OPCML: variants seen among roughly 807,000 people sequenced by gnomAD.
The protein encoded by OPCML is opioid-binding protein/cell adhesion molecule.
A neutral mutation model predicts 37.8 loss-of-function variants in OPCML; 13 were observed. The observed-to-expected ratio is 0.34, with a 90% CI of 0.22 to 0.55. OPCML has a LOEUF of 0.55. OPCML is among the 20% of genes least tolerant of loss of function. The probability of loss-of-function intolerance (pLI) is 0.91; values close to 1 mark genes in which losing one functional copy is unlikely to be tolerated. For missense variants in OPCML, 341 were observed against 435.6 expected, an observed-to-expected ratio of 0.78 and a Z score of 1.93; for synonymous variants, 176 against 168.8, an observed-to-expected ratio of 1.04 and a Z score of -0.33.
chr11:133,229,442 A>G (rs1940180881), intron 1 of OPCML, among the ~76,000 whole-genome samples: 3 of 152,172 alleles, frequency 2.0e-5, no homozygotes, highest in African/African-American at 7.2e-5. Context: ...AGAAGCTGTA[A>G]AGTACTTCCT....
At chr11:133,002,192 C>T (rs1323229982) in intron 1 of OPCML, among the ~76,000 whole-genome samples, 1 of 152,206 alleles carries the variant, frequency 6.6e-6, no homozygotes, top group Non-Finnish European at 1.5e-5. Flanking sequence ...TTTCCCTTAA[C>T]TTATTCCACT....
intron 2 of OPCML, among the ~76,000 whole-genome samples, chr11:132,776,340 T>C (rs1946808350): frequency 3.9e-5 from 6 of 152,210 alleles, no homozygotes; most frequent in Admixed American, 3.9e-4. Flanking sequence ...GGTGGTGTTA[T>C]CTTTTCATTT....
At chr11:132,705,447 G>T (rs1394337791) in intron 2 of OPCML, among the ~76,000 whole-genome samples, 1 of 151,876 alleles carries the variant, frequency 6.6e-6, no homozygotes, top group Non-Finnish European at 1.5e-5. Flanking sequence ...AACAAATTCA[G>T]CTGGGTGTGG....
intron 1 of OPCML, among the ~76,000 whole-genome samples, chr11:133,083,093 C>A (rs186030132): frequency 1.3e-5 from 2 of 152,048 alleles, no homozygotes; most frequent in African/African-American, 4.8e-5. Flanking sequence ...TGCGCCCCGA[C>A]GGCACCCGTG....
chr11:133,121,174 C>T (rs184254901), intron 1 of OPCML, among the ~76,000 whole-genome samples: 152 of 152,242 alleles, frequency 1.0e-3, no homozygotes, highest in African/African-American at 3.2e-3. Flanking sequence ...CCACCTTGGG[C>T]GCCCAAAGTG....
At chr11:132,621,990 C>A (rs1330697353) in intron 3 of OPCML, among the ~76,000 whole-genome samples, 1 of 152,126 alleles carries the variant, frequency 6.6e-6, no homozygotes, top group Non-Finnish European at 1.5e-5. Flanking sequence ...GATTAGCCAT[C>A]ATCTCTTTCT....
chr11:132,754,482 C>G (rs1945966073), intron 2 of OPCML, among the ~76,000 whole-genome samples: 1 of 152,116 alleles, frequency 6.6e-6, no homozygotes, highest in Non-Finnish European at 1.5e-5. Flanking sequence ...TGAGGCTTCC[C>G]AGCCACATGG....
At chr11:133,043,208 C>T (rs1947941451) in intron 1 of OPCML, among the ~76,000 whole-genome samples, 1 of 152,092 alleles carries the variant, frequency 6.6e-6, no homozygotes, top group Non-Finnish European at 1.5e-5. Context: ...CAGAGAGAGC[C>T]CAGCTGGGAT....
intron 1 of OPCML, among the ~76,000 whole-genome samples, chr11:133,438,178 G>A (rs1362209773): frequency 1.3e-5 from 2 of 152,146 alleles, no homozygotes; most frequent in Non-Finnish European, 2.9e-5. Flanking sequence ...CAGAGAGAGC[G>A]GTGAGAAGTG....
chr11:132,739,845 G>T (rs1040620922), intron 2 of OPCML, among the ~76,000 whole-genome samples: 1 of 152,038 alleles, frequency 6.6e-6, no homozygotes, highest in Non-Finnish European at 1.5e-5. Flanking sequence ...CAAAATCAAT[G>T]CCTCTCTGGA....
At chr11:133,207,835 T>C (rs549724339) in intron 1 of OPCML, among the ~76,000 whole-genome samples, 7 of 152,296 alleles carry the variant, frequency 4.6e-5, no homozygotes, top group African/African-American at 1.7e-4. Context: ...CAGACATCCC[T>C]GTGGCATCTT....
At chr11:133,131,370 G>A (rs916429388) in intron 1 of OPCML, among the ~76,000 whole-genome samples, 2 of 152,082 alleles carry the variant, frequency 1.3e-5, no homozygotes, top group African/African-American at 4.8e-5. Flanking sequence ...AAGCAAAACA[G>A]CACAACTTCT....
intron 1 of OPCML, among the ~76,000 whole-genome samples, chr11:133,268,083 T>C (rs181092009): frequency 1.6e-4 from 25 of 152,334 alleles, no homozygotes; most frequent in Admixed American, 1.3e-3. Flanking sequence ...GCCCTGACTA[T>C]GTTTTTCCCT....
At chr11:132,912,506 A>C (rs1944460136) in intron 2 of OPCML, among the ~76,000 whole-genome samples, 1 of 152,206 alleles carries the variant, frequency 6.6e-6, no homozygotes, top group South Asian at 2.1e-4. Flanking sequence ...TTTATGAAGC[A>C]CTTCATGCAA....
intron 3 of OPCML, among the ~76,000 whole-genome samples, chr11:132,656,182 C>T (rs1941697898): frequency 6.6e-6 from 1 of 152,114 alleles, no homozygotes; most frequent in Non-Finnish European, 1.5e-5. Context: ...CAACACCTGA[C>T]AGAAATGGCT....
chr11:132,983,745 A>G (rs1224399654), intron 1 of OPCML, among the ~76,000 whole-genome samples: 1 of 152,206 alleles, frequency 6.6e-6, no homozygotes, highest in African/African-American at 2.4e-5. Flanking sequence ...AGCACCACAC[A>G]CATCTACATT....
chr11:132,479,753 C>G (rs1449145031), intron 4 of OPCML, among the ~76,000 whole-genome samples: 1 of 152,172 alleles, frequency 6.6e-6, no homozygotes, highest in Non-Finnish European at 1.5e-5. Context: ...AGGCACCCCC[C>G]AGCAGGGGCA....
chr11:132,937,043 GT>G (rs1184960387), intron 2 of OPCML, among the ~76,000 whole-genome samples: 2 of 152,118 alleles, frequency 1.3e-5, no homozygotes, highest in Non-Finnish European at 2.9e-5. Flanking sequence ...ATCTTGGACT[GT>G]AATTCCCTCT....
intron 1 of OPCML, among the ~76,000 whole-genome samples, chr11:133,350,630 T>C (rs1386804051): frequency 1.3e-5 from 2 of 152,182 alleles, no homozygotes; most frequent in Non-Finnish European, 1.5e-5. Context: ...TGTTTTTACA[T>C]GAAATAGCAC....
Sources: allele counts gnomAD v4.1 joint callset (sites outside exome capture counted in the v4.1 genomes callset), GRCh38; gene constraint gnomAD v4.1.1; transcripts MANE v1.5; gene names NCBI Gene and HGNC (gene_info 2026-07-23, HGNC 2026-07-21).